Variants in CELF6 observed in about 807,000 individuals in gnomAD.
The protein encoded by CELF6 is CUGBP Elav-like family member 6, also known as Bruno -like 6, RNA binding protein.
In CELF6, 32 loss-of-function variants were observed where a neutral mutation model predicts 53.1. The ratio of observed to expected loss-of-function variants is 0.60; its 90% CI spans 0.46 to 0.81. The LOEUF is 0.81. Ranked by LOEUF, CELF6 falls within the 30% of genes least tolerant of loss-of-function variation. CELF6 has a pLI of 0.00. For synonymous variants in CELF6, 291 were observed against 288.8 expected (o/e 1.01, Z -0.08); for missense variants, 539 against 669.5 (o/e 0.81, Z 2.15).
intron 3 of CELF6, chr15:72,292,236 G>C: frequency 1.3e-6 from 2 of 1,535,510 alleles, no homozygotes; most frequent in Non-Finnish European, 1.7e-6. Flanking sequence ...GTTGTTTGAG[G>C]GGGGATCTGA....
chr15:72,286,434 T>C (rs1440420907), intron 12 of CELF6, 92 bp from the exon 13 acceptor site: 3 of 152,592 alleles, frequency 2.0e-5, no homozygotes, highest in African/African-American at 7.2e-5. Flanking sequence ...CTTGCCCCCA[T>C]GAGTGACGTC....
intron 3 of CELF6, among the ~76,000 whole-genome samples, chr15:72,295,858 T>C (rs2088071169): frequency 6.6e-6 from 1 of 152,196 alleles, no homozygotes; most frequent in African/African-American, 2.4e-5. Flanking sequence ...GTAATCTCTA[T>C]AAACTCCCAA....
rs560967340 is a variant in CELF6, at chr15:72,291,598, G to A, written c.395-1343C>T. On this transcript the variant is annotated intron_variant, in intron 3 of 12. Coordinates refer to ENST00000287202, the MANE Select transcript of CELF6 (RefSeq NM_052840.5). Reference sequence around the variant, plus strand: ...CATAGACTGAAGCCTGGGTGACAGCGAAGGAAGAACAGACTGTTCAAAACT... The same window carrying A: ...CATAGACTGAAGCCTGGGTGACAGCAAAGGAAGAACAGACTGTTCAAAACT... Among the ~76,000 whole-genome samples, 16 of 152,276 alleles carry A rather than the reference G, an allele frequency of 1.1e-4. No individual in the cohort carries two copies. In the South Asian group the frequency reaches 1.9e-3, roughly 18 times the overall value.
At chr15:72,303,059 G>T (rs1004290488) in intron 3 of CELF6, among the ~76,000 whole-genome samples, 5 of 152,228 alleles carry the variant, frequency 3.3e-5, no homozygotes, top group African/African-American at 9.6e-5. Flanking sequence ...CTGCTGTGGA[G>T]TAAGTTGCTC....
rs2087958516 is a variant in CELF6, at chr15:72,288,885, C to T, written c.1076G>A (p.Gly359Glu). The change falls in exon 9 of 13, where the codon GGG becomes GAG. Residue 359 changes from glycine to glutamate, a missense_variant. Physicochemically the swap from Gly to Glu is moderately conservative, Grantham distance 98. Coordinates refer to ENST00000287202, the MANE Select transcript of CELF6 (RefSeq NM_052840.5). This position sits in a 1 kb window ranked among gnomAD's most constrained non-coding sequence, Gnocchi z 4.6. ...VADPLQQAYA[G>E]MHHYAAAYPS... ...AGTGAAACCTGCGTAGTGGTGCATCCCAGCGTAGGCCTGCTGCAGGGGGTC... is the reference window on the plus strand; with the variant it reads ...AGTGAAACCTGCGTAGTGGTGCATCTCAGCGTAGGCCTGCTGCAGGGGGTC... 6.4e-7 allele frequency: 1 copy of T among 1,550,984 alleles called. No individual in the cohort carries two copies. Among genetic ancestry groups the T allele is most frequent in the South Asian group, 1.2e-5 (1 of 84,068 alleles).
In CELF6 at chr15:72,298,484, G is replaced by T. The variant is rs551354135; in HGVS notation, c.394+6262C>A. ...AATGTTTTAAGTTTGAACGTTAAAA[G>T]AAAATAACTGAAGTGGAAAGAGTGC... On this transcript the variant is annotated intron_variant, in intron 3 of 12. Transcript: ENST00000287202. Among the ~76,000 whole-genome samples the T allele has an allele frequency of 7.4e-4, 112 of 152,278 alleles. 2 individuals carry two copies. The South Asian group carries it at 0.022, about 29-fold the overall frequency.
chr15:72,305,042 G>C (rs924573989), intron 2 of CELF6, among the ~76,000 whole-genome samples: 1 of 152,168 alleles, frequency 6.6e-6, no homozygotes, highest in Non-Finnish European at 1.5e-5. Context: ...GGAATGAAGC[G>C]GCTAAAGAGA....
chr15:72,303,387 A>G (rs556606256), intron 3 of CELF6, among the ~76,000 whole-genome samples: 1 of 152,364 alleles, frequency 6.6e-6, no homozygotes, highest in Admixed American at 6.5e-5. Context: ...TAACATTTTG[A>G]CCAGAAATCA....
chr15:72,306,329 G>A, intron 2 of CELF6: 2 of 984,360 alleles, frequency 2.0e-6, no homozygotes, highest in Non-Finnish European at 2.4e-6. Context: ...CATCTGGCCT[G>A]AGAAGGTGAT....
In CELF6 at chr15:72,288,837, C is replaced by G. The variant is rs1031821359; in HGVS notation, c.1093+31G>C. On this transcript the variant is annotated intron_variant, in intron 9 of 12. Transcript: ENST00000287202. This position sits in a 1 kb window ranked among gnomAD's most constrained non-coding sequence, Gnocchi z 4.6. ...CTATTTCTTTCTAGGGCCCTTCAACCTCCCCCAGGCCGCGTAGCGCCAAGT... is the reference window on the plus strand; with the variant it reads ...CTATTTCTTTCTAGGGCCCTTCAACGTCCCCCAGGCCGCGTAGCGCCAAGT... 94 of 1,545,582 alleles carry G rather than the reference C, an allele frequency of 6.1e-5. No individual in the cohort carries two copies. Among genetic ancestry groups the G allele is most frequent in the Non-Finnish European group, 7.5e-5 (86 of 1,142,280 alleles).
chr15:72,304,372 G>A (rs1041024107), intron 3 of CELF6, among the ~76,000 whole-genome samples: 1 of 152,162 alleles, frequency 6.6e-6, no homozygotes, highest in Non-Finnish European at 1.5e-5. Context: ...TCTGATATCA[G>A]AAGGATATGG....
intron 1 of CELF6, among the ~76,000 whole-genome samples, chr15:72,317,668 C>T (rs747614363): frequency 7.9e-5 from 12 of 152,156 alleles, no homozygotes; most frequent in Non-Finnish European, 1.3e-4. Context: ...AGACCCTCTA[C>T]AATCATCTTG....
At chr15:72,306,321 T>C in intron 2 of CELF6, 1 of 984,894 alleles carries the variant, frequency 1.0e-6, no homozygotes, top group African/African-American at 1.7e-5. Flanking sequence ...CTGATGCCCA[T>C]CTGGCCTGAG....
At chr15:72,311,519 CAGCCTCCCGAGT>C (rs1226471429) in intron 2 of CELF6, among the ~76,000 whole-genome samples, 1 of 151,760 alleles carries the variant, frequency 6.6e-6, no homozygotes, top group East Asian at 1.9e-4. Context: ...TCTCCTGCCT[CAGCCTCCCGAGT>C]AGCTGGGACT....
Position 72,289,511 on chromosome 15 carries a change from T to A in CELF6, c.748-4A>T, listed in dbSNP as rs1350727612. 30 of 1,512,768 alleles carry A rather than the reference T, an allele frequency of 2.0e-5. No individual in the cohort carries two copies. Among genetic ancestry groups the A allele is most frequent in the Non-Finnish European group, 2.6e-5 (30 of 1,135,360 alleles). The allele number at this position is 1,512,768 out of a possible 1,614,324, so 93.7% of individuals were successfully genotyped here. The stretch of plus-strand genomic sequence containing the variant: ...GGGCCGCCTGGTGCTGCAGGATCTT[T>A]GAGAGGAAAGATGGGCGAGAGTGGA... On this transcript the variant is annotated splice_polypyrimidine_tract_variant and splice_region_variant and intron_variant, in intron 6 of 12. Coordinates refer to ENST00000287202, the MANE Select transcript of CELF6 (RefSeq NM_052840.5). The surrounding 1 kb of genome is among the most constrained non-coding windows in gnomAD (Gnocchi z 7.6).
intron 3 of CELF6, among the ~76,000 whole-genome samples, chr15:72,297,749 T>G (rs145572331): frequency 1.7e-3 from 260 of 152,184 alleles, no homozygotes; most frequent in African/African-American, 6.2e-3. Flanking sequence ...AATTGGGAAA[T>G]GGAGAATCAT....
At chr15:72,298,079 G>A (rs2088102510) in intron 3 of CELF6, among the ~76,000 whole-genome samples, 1 of 152,172 alleles carries the variant, frequency 6.6e-6, no homozygotes, top group African/African-American at 2.4e-5. Flanking sequence ...AACTGACTGT[G>A]ACAGAACAGT....
chr15:72,291,842 C>T (rs142422079), intron 3 of CELF6, among the ~76,000 whole-genome samples: 12 of 152,194 alleles, frequency 7.9e-5, no homozygotes, highest in African/African-American at 2.2e-4. Context: ...AGGTACCATC[C>T]GATGATCCTT....
chr15:72,299,079 G>C (rs961770724), intron 3 of CELF6, among the ~76,000 whole-genome samples: 2 of 151,850 alleles, frequency 1.3e-5, no homozygotes, highest in African/African-American at 4.8e-5. Flanking sequence ...GCGGTAGCAG[G>C]CGCCTCTAGT....
Sources: gnomAD v4.1 joint callset for allele counts (sites outside exome capture counted in the v4.1 genomes callset) on GRCh38, gnomAD v4.1.1 for gene constraint, Gnocchi (gnomAD v3.1) non-coding constraint, MANE v1.5 for transcripts, NCBI Gene and HGNC (gene_info 2026-07-23, HGNC 2026-07-21) for gene names.